ZNF385D: variants seen among roughly 807,000 people sequenced by gnomAD.
The protein encoded by ZNF385D is zinc finger protein 659.
Under a neutral mutation model 35.8 loss-of-function variants are expected in ZNF385D, and 15 were observed. The observed-to-expected ratio is 0.42, with a 90% confidence interval of 0.28 to 0.64. ZNF385D has a LOEUF of 0.64. Among genes scored for constraint, ZNF385D ranks in the 30% least tolerant of loss-of-function variants. The probability of loss-of-function intolerance (pLI) is 0.23; values close to 1 mark genes in which losing one functional copy is unlikely to be tolerated. For synonymous variants in ZNF385D, 212 were observed against 186.8 expected (o/e 1.13, Z -1.10); for missense variants, 474 against 494.6 (o/e 0.96, Z 0.39).
In ZNF385D at chr3:22,367,820, CA is replaced by C. The variant is rs200827406; in HGVS notation, c.106+4629del. 7.2e-3 allele frequency among the ~76,000 whole-genome samples: 1,089 copies of C among 152,034 alleles called. 21 individuals are homozygous for C. The highest frequency in any genetic ancestry group is 0.024 in the African/African-American group (1,016 of 41,508). The stretch of plus-strand genomic sequence containing the variant: ...AATAAAATCAGAACATATAAGATAA[CA>C]AAAAAAGTTAACAGGGAACATCTGG... On this transcript the variant is annotated intron_variant, in intron 2 of 5. Coordinates refer to the ZNF385D transcript ENST00000494108.
chr3:21,594,056 G>T (rs2064059801), intron 2 of ZNF385D, among the ~76,000 whole-genome samples: 1 of 152,134 alleles, frequency 6.6e-6, no homozygotes, highest in Admixed American at 6.5e-5. Context: ...TGGAGTTGCT[G>T]ACCCACAAGA....
At chr3:21,422,332 C>T (rs978351674) in intron 7 of ZNF385D, among the ~76,000 whole-genome samples, 1 of 152,136 alleles carries the variant, frequency 6.6e-6, no homozygotes, top group South Asian at 2.1e-4. Flanking sequence ...AAAATTGTGT[C>T]TTTACAGAAA....
At chr3:22,318,310 T>C (rs1250750510) in intron 2 of ZNF385D, among the ~76,000 whole-genome samples, 1 of 151,820 alleles carries the variant, frequency 6.6e-6, no homozygotes, top group African/African-American at 2.4e-5. Context: ...GAAGACAAGA[T>C]TGAGAAAATG....
At chr3:21,711,804 A>T (rs954256447) in intron 1 of ZNF385D, among the ~76,000 whole-genome samples, 24 of 152,334 alleles carry the variant, frequency 1.6e-4, no homozygotes, top group African/African-American at 5.3e-4. Context: ...TCTGAGATAT[A>T]GTGAGCTGGA....
chr3:22,205,324 G>A (rs1016965344), intron 2 of ZNF385D, among the ~76,000 whole-genome samples: 5 of 151,864 alleles, frequency 3.3e-5, no homozygotes, highest in African/African-American at 4.8e-5. Context: ...AGCAAAAGCT[G>A]AGGGATTTCA....
chr3:22,247,010 C>T (rs888131948), intron 2 of ZNF385D, among the ~76,000 whole-genome samples: 5 of 152,112 alleles, frequency 3.3e-5, no homozygotes, highest in East Asian at 1.9e-4. Flanking sequence ...TCACCATATA[C>T]ACAAACAACT....
intron 3 of ZNF385D, among the ~76,000 whole-genome samples, chr3:21,798,420 C>T (rs1488746275): frequency 6.6e-6 from 1 of 152,130 alleles, no homozygotes; most frequent in African/African-American, 2.4e-5. Flanking sequence ...GACGCGGGAC[C>T]ACACTCAACT....
intron 3 of ZNF385D, among the ~76,000 whole-genome samples, chr3:21,852,408 A>T (rs917125389): frequency 1.3e-5 from 2 of 151,910 alleles, no homozygotes; most frequent in African/African-American, 4.8e-5. Flanking sequence ...AGGCTCCCCA[A>T]GTGACTGTAA....
intron 3 of ZNF385D, among the ~76,000 whole-genome samples, chr3:21,876,847 GTTCT>G (rs780333948): frequency 5.3e-5 from 8 of 151,984 alleles, no homozygotes; most frequent in East Asian, 3.9e-4. Context: ...CTGTCTAAAT[GTTCT>G]TTCTTTCTCT....
intron 3 of ZNF385D, among the ~76,000 whole-genome samples, chr3:22,048,266 G>C (rs1699128201): frequency 6.6e-6 from 1 of 151,290 alleles, no homozygotes; most frequent in South Asian, 2.1e-4. Flanking sequence ...TTTGCTTTTG[G>C]AAAAAAAGCC....
At chr3:22,306,474 T>G in intron 2 of ZNF385D, among the ~76,000 whole-genome samples, 1 of 152,100 alleles carries the variant, frequency 6.6e-6, no homozygotes, top group East Asian at 1.9e-4. Flanking sequence ...AGCTGTCCAA[T>G]AATAGTTCTA....
intron 1 of ZNF385D, among the ~76,000 whole-genome samples, chr3:21,668,425 A>G (rs181994808): frequency 6.0e-4 from 91 of 152,190 alleles, no homozygotes; most frequent in Non-Finnish European, 4.1e-4. Flanking sequence ...CCTCTTCCCA[A>G]TCCTATATCC....
intron 3 of ZNF385D, among the ~76,000 whole-genome samples, chr3:22,089,635 C>A (rs1187216466): frequency 1.3e-5 from 2 of 152,144 alleles, no homozygotes; most frequent in Non-Finnish European, 2.9e-5. Flanking sequence ...GCACCTTCCT[C>A]AGTGAGGTTT....
intron 3 of ZNF385D, among the ~76,000 whole-genome samples, chr3:22,147,697 G>T (rs1422246250): frequency 6.6e-6 from 1 of 152,100 alleles, no homozygotes; most frequent in Non-Finnish European, 1.5e-5. Flanking sequence ...GAGGCCCAAG[G>T]GCATTAAGTA....
intron 2 of ZNF385D, among the ~76,000 whole-genome samples, chr3:22,318,400 A>G (rs1704018880): frequency 6.6e-6 from 1 of 152,222 alleles, no homozygotes; most frequent in Non-Finnish European, 1.5e-5. Context: ...ATCGATCAAT[A>G]AAGAACCAGA....
intron 3 of ZNF385D, among the ~76,000 whole-genome samples, chr3:21,921,768 A>T (rs1700474714): frequency 6.6e-6 from 1 of 152,014 alleles, no homozygotes; most frequent in African/African-American, 2.4e-5. Flanking sequence ...CTGGAAACAC[A>T]ATCTCCCAAG....
intron 1 of ZNF385D, among the ~76,000 whole-genome samples, chr3:21,702,088 CTG>C (rs1228319416): frequency 6.6e-6 from 1 of 152,212 alleles, no homozygotes; most frequent in Non-Finnish European, 1.5e-5. Flanking sequence ...AGTAAGGACT[CTG>C]TGTGGGGCTC....
chr3:22,172,643 A>T (rs1451847216), intron 2 of ZNF385D, among the ~76,000 whole-genome samples: 3 of 152,174 alleles, frequency 2.0e-5, no homozygotes, highest in Admixed American at 6.5e-5. Flanking sequence ...ATTAAGAATC[A>T]AAAGTTGTAG....
At chr3:21,979,306 C>T (rs1328816765) in intron 3 of ZNF385D, among the ~76,000 whole-genome samples, 1 of 152,084 alleles carries the variant, frequency 6.6e-6, no homozygotes, top group South Asian at 2.1e-4. Context: ...TATTTAACCC[C>T]ACATGTCACT....
Sources: allele counts gnomAD v4.1 joint callset (sites outside exome capture counted in the v4.1 genomes callset), GRCh38; gene constraint gnomAD v4.1.1; transcripts MANE v1.5; gene names NCBI Gene and HGNC (gene_info 2026-07-23, HGNC 2026-07-21).